Variants in CYP4B1 observed in about 807,000 individuals in gnomAD.
CYP4B1 encodes the protein cytochrome P450 family 4 subfamily B member 1.
CYP4B1 carries 45 observed loss-of-function variants against 54.0 expected under a neutral mutation model. The observed-to-expected ratio is 0.83, with a 90% CI of 0.66 to 1.07. The LOEUF (loss-of-function observed/expected upper bound fraction) is 1.07, where lower values mean the gene tolerates loss of function less well. CYP4B1 is among the 50% of genes least tolerant of loss of function. The probability of loss-of-function intolerance (pLI) is 0.00; values close to 1 mark genes in which losing one functional copy is unlikely to be tolerated. For missense variants in CYP4B1, 656 were observed against 655.4 expected, an observed-to-expected ratio of 1.00 and a Z score of -0.01; for synonymous variants, 248 against 247.5, an observed-to-expected ratio of 1.00 and a Z score of -0.02.
rs1450485352 is a variant in CYP4B1, at chr1:46,815,894, C to A, written c.1073+630C>A. ...TTGCTGGCTGCCTGTTCCCCTCAGG[C>A]CTTTGCTTGTGGTCAGACAACCTGC... On this transcript the variant is annotated intron_variant, in intron 8 of 11. Transcript: ENST00000371923. 2.0e-5 allele frequency among the ~76,000 whole-genome samples: 3 copies of A among 152,164 alleles called. No individual in the cohort carries two copies. The East Asian group carries it at 5.8e-4, about 29-fold the overall frequency.
chr1:46,809,899 A>C (rs1679027292), intron 1 of CYP4B1, among the ~76,000 whole-genome samples: 1 of 152,230 alleles, frequency 6.6e-6, no homozygotes. Flanking sequence ...TTTTGCAAAA[A>C]TATTTATTGT....
intron 1 of CYP4B1, among the ~76,000 whole-genome samples, chr1:46,802,325 G>T (rs1678695701): frequency 6.6e-6 from 1 of 152,126 alleles, no homozygotes; most frequent in Admixed American, 6.5e-5. Context: ...TGAAGACAGG[G>T]CTGTGGCTCA....
chr1:46,813,975 CT>C lies in CYP4B1; in HGVS notation c.689del (p.Phe230SerfsTer121). ...TGTTGATGCAGCAGCGCCTTGTGTC[CT>C]TCCAGTACCATAATGACTTCATCTA... ...TLLMQQRLVS[F>X]QYHNDFIYWL... On this transcript the variant is annotated frameshift_variant, in exon 6 of 12. Transcript: ENST00000371923. LOFTEE classifies it high-confidence loss of function. 6.2e-7 allele frequency: 1 copy of C among 1,614,166 alleles called. No individual in the cohort carries two copies. The highest frequency in any genetic ancestry group is 8.5e-7 in the Non-Finnish European group (1 of 1,180,020).
intron 3 of CYP4B1, among the ~76,000 whole-genome samples, chr1:46,811,877 A>G (rs1286261683): frequency 6.6e-6 from 1 of 152,184 alleles, no homozygotes; most frequent in African/African-American, 2.4e-5. Flanking sequence ...CACATTCCCA[A>G]TCCTATTTAC....
intron 9 of CYP4B1, 109 bp downstream of exon 9, chr1:46,817,290 C>T (rs778347986): frequency 2.5e-5 from 33 of 1,340,854 alleles, no homozygotes; most frequent in East Asian, 4.8e-5. Context: ...TCAGGCTTTG[C>T]GTTCAGAGAG....
chr1:46,813,814 C>T, intron 5 of CYP4B1, 95 bp from the exon 6 acceptor site: 3 of 1,501,850 alleles, frequency 2.0e-6, no homozygotes, highest in Non-Finnish European at 2.7e-6. Flanking sequence ...GAGCAGGATG[C>T]TCTGTGGTTG....
chr1:46,815,867 C>A (rs45513099), intron 8 of CYP4B1, among the ~76,000 whole-genome samples: 18 of 152,306 alleles, frequency 1.2e-4, no homozygotes, highest in African/African-American at 4.1e-4. Flanking sequence ...GCTCCTTCAC[C>A]CTTGCTGGCT....
chr1:46,807,096 C>T (rs896474273), intron 1 of CYP4B1, among the ~76,000 whole-genome samples: 3 of 152,176 alleles, frequency 2.0e-5, no homozygotes, highest in Non-Finnish European at 4.4e-5. Context: ...GTTTGGCCAT[C>T]GCTTGGGCTC....
intron 8 of CYP4B1, among the ~76,000 whole-genome samples, chr1:46,815,588 C>A (rs967301991): frequency 4.6e-5 from 7 of 152,108 alleles, no homozygotes; most frequent in African/African-American, 1.4e-4. Context: ...GTAGGGAGAG[C>A]TGGGAGAGAA....
At chr1:46,808,205 C>T (rs965333684) in intron 1 of CYP4B1, among the ~76,000 whole-genome samples, 5 of 152,130 alleles carry the variant, frequency 3.3e-5, no homozygotes, top group African/African-American at 1.2e-4. Context: ...TTCTAGATCC[C>T]TGAGGAATCG....
intron 1 of CYP4B1, 129 bp from the exon 2 acceptor site, chr1:46,810,679 G>T (rs897983889): frequency 2.3e-6 from 2 of 853,512 alleles, no homozygotes; most frequent in African/African-American, 3.4e-5. Flanking sequence ...AGGAGAAGAG[G>T]GTGCAGGAGA....
Position 46,817,974 on chromosome 1 carries a change from T to G in CYP4B1, c.1217T>G (p.Ile406Ser), listed in dbSNP as rs756081544. 1.1e-5 allele frequency: 17 copies of G among 1,614,098 alleles called. No homozygotes were observed. Among genetic ancestry groups the G allele is most frequent in the Non-Finnish European group, 1.4e-5 (17 of 1,179,994 alleles). ...TCTGTTCTGCCCACAGGAAGCCTGA[T>G]CTCTATGCATATCTATGCCCTCCAT... The part of the protein sequence containing the change: ...DGRSLPAGSL[I>S]SMHIYALHRN... Residue 406 changes from isoleucine (I) to serine (S), a missense_variant, in exon 10 of 12, where the codon ATC (isoleucine) becomes AGC (serine). Ile to Ser is a moderately radical substitution (Grantham distance 142). Coordinates refer to ENST00000371923, the MANE Select transcript of CYP4B1 (RefSeq NM_001099772.2).
At chr1:46,803,932 G>A (rs913425021) in intron 1 of CYP4B1, among the ~76,000 whole-genome samples, 1 of 152,200 alleles carries the variant, frequency 6.6e-6, no homozygotes, top group Admixed American at 6.5e-5. Context: ...ACGAACATGT[G>A]TATGAGTGTG....
At chr1:46,804,291 GCAT>G (rs1678772228) in intron 1 of CYP4B1, among the ~76,000 whole-genome samples, 1 of 152,112 alleles carries the variant, frequency 6.6e-6, no homozygotes, top group African/African-American at 2.4e-5. Context: ...AGCAAGATCA[GCAT>G]AGGAGAGGTG....
At chr1:46,804,361 T>C (rs1678776015) in intron 1 of CYP4B1, among the ~76,000 whole-genome samples, 1 of 151,828 alleles carries the variant, frequency 6.6e-6, no homozygotes, top group African/African-American at 2.4e-5. Context: ...AGTTAGATTA[T>C]GAAGGGATGA....
intron 9 of CYP4B1, 132 bp from the exon 10 acceptor site, chr1:46,817,833 G>T (rs4646495): frequency 0.16 from 115,839 of 745,116 alleles, 10,506 homozygotes; most frequent in African/African-American, 0.29. Context: ...GGTCATGAAC[G>T]CTCTGTCACT....
At chr1:46,817,827 A>G in intron 9 of CYP4B1, 138 bp from the exon 10 acceptor site, 2 of 733,594 alleles carry the variant, frequency 2.7e-6, no homozygotes, top group East Asian at 4.9e-5. Flanking sequence ...GGATGTGGTC[A>G]TGAACGCTCT....
rs1295274269 is a variant in CYP4B1 at position 46,800,292 on chromosome 1, T to C, written c.180+1031T>C. Among the ~76,000 whole-genome samples, 280 of 130,654 alleles carry C rather than the reference T, an allele frequency of 2.1e-3. 27 individuals carry two copies. Among genetic ancestry groups the C allele is most frequent in the East Asian group, 0.011 (48 of 4,438 alleles). The allele number at this position is 130,654 out of a possible 152,430, so 85.7% of individuals were successfully genotyped here. A position where few individuals can be genotyped will look rare whatever the true frequency, so the allele number is the denominator to read the frequency against. ...TTCCTTCCTTCCTTCCTTCCTTCCT[T>C]CCTTCCTTCTTTCCTTCCTTCTCTT... On this transcript the variant is annotated intron_variant, in intron 1 of 11. Transcript: ENST00000371923.
rs970357704 is a variant in CYP4B1, at chr1:46,812,480, C to G, written c.368-16C>G. On this transcript the variant is annotated splice_polypyrimidine_tract_variant and intron_variant, in intron 3 of 11. Transcript: ENST00000371923. ...GCCTGGACTGACCAGCCCTCTCTCT[C>G]CCATCCCTTCCCCAGGGAGAGGCCT... is the stretch of plus-strand genomic sequence containing the variant. The G allele has an allele frequency of 1.2e-6, 2 of 1,607,512 alleles. No homozygotes were observed. The highest frequency in any genetic ancestry group is 1.7e-6 in the Non-Finnish European group (2 of 1,176,874).
Sources: allele counts gnomAD v4.1 joint callset (sites outside exome capture counted in the v4.1 genomes callset), GRCh38; gene constraint gnomAD v4.1.1; transcripts MANE v1.5; gene names NCBI Gene and HGNC (gene_info 2026-07-23, HGNC 2026-07-21).